Variants in GART observed in about 807,000 individuals in gnomAD.
GART encodes the protein trifunctional purine biosynthetic protein adenosine-3.
Under a neutral mutation model 107.2 loss-of-function variants are expected in GART, and 43 were observed. The ratio of observed to expected loss-of-function variants is 0.40; its 90% CI spans 0.31 to 0.52. The LOEUF (loss-of-function observed/expected upper bound fraction) is 0.52. GART is among the 20% of genes least tolerant of loss of function. The pLI is 0.52. For synonymous variants in GART, 434 were observed against 427.0 expected, an observed-to-expected ratio of 1.02 and a Z score of -0.20; for missense variants, 1,107 against 1,206.5, an observed-to-expected ratio of 0.92 and a Z score of 1.22.
intron 14 of GART, among the ~76,000 whole-genome samples, chr21:33,517,977 T>C (rs1438274600): frequency 6.6e-6 from 1 of 152,246 alleles, no homozygotes; most frequent in Non-Finnish European, 1.5e-5. Flanking sequence ...CAGGTGATGA[T>C]ACAGCCTTAA....
intron 11 of GART, chr21:33,524,413 T>TAGATCTC: frequency 1.7e-6 from 1 of 580,564 alleles, no homozygotes; most frequent in Non-Finnish European, 2.2e-6. Flanking sequence ...TAGCCAGGTG[T>TAGATCTC]GGTGGCCTGT....
intron 1 of GART, among the ~76,000 whole-genome samples, chr21:33,541,489 TAGCAGTAGTGTGGG>T (rs1219690117): frequency 6.6e-6 from 1 of 152,234 alleles, no homozygotes; most frequent in Non-Finnish European, 1.5e-5. Context: ...AGTTTGAATA[TAGCAGTAGTGTGGG>T]AAAATTCTGT....
At chr21:33,535,121 G>C (rs1036007240) in intron 3 of GART, 104 bp downstream of exon 3, 6 of 756,290 alleles carry the variant, frequency 7.9e-6, no homozygotes, top group Non-Finnish European at 1.2e-5. Context: ...CTTTTTCCAA[G>C]ATAATATTAC....
intron 16 of GART, among the ~76,000 whole-genome samples, chr21:33,516,633 T>G (rs2154583): frequency 0.46 from 70,036 of 152,048 alleles, 16,567 homozygotes; most frequent in East Asian, 0.58. Flanking sequence ...TCTCTATGCC[T>G]TGGTTTAGGT....
chr21:33,526,382 C>T (rs1194956633), intron 10 of GART, among the ~76,000 whole-genome samples: 1 of 152,122 alleles, frequency 6.6e-6, no homozygotes, highest in East Asian at 1.9e-4. Flanking sequence ...CCATGTTGGC[C>T]AGGCTGGTCT....
At position 33,520,407 on chromosome 21, in the gene GART, A is replaced by G; in HGVS notation, c.1659T>C (p.Ala553=). The change falls in exon 14 of 22, where the codon GCT becomes GCC. Residue 553 remains alanine, a synonymous_variant. Transcript: ENST00000381815. ...CTTTTCCACAAGCTTTAGCAATTCC[A>G]GCAACAACAGCTTCAGTTACACTGA... ...LDLSVTEAVV[A]GIAKACGKAG... 1.2e-6 allele frequency: 2 copies of G among 1,614,172 alleles called. No individual in the cohort carries two copies. Among genetic ancestry groups the G allele is most frequent in the Non-Finnish European group, 1.7e-6 (2 of 1,180,000 alleles).
chr21:33,528,421 C>T (rs2085115441), intron 9 of GART, 86 bp from the exon 10 acceptor site: 4 of 1,550,640 alleles, frequency 2.6e-6, no homozygotes, highest in Non-Finnish European at 3.5e-6. Flanking sequence ...GCAGAACTTG[C>T]ATGAATTTCC....
intron 12 of GART, 41 bp from the exon 13 acceptor site, chr21:33,521,056 A>T: frequency 6.8e-7 from 1 of 1,463,464 alleles, no homozygotes; most frequent in Non-Finnish European, 9.5e-7. Flanking sequence ...ATTTTAATAG[A>T]TTAAACATGT....
chr21:33,505,584 C>A lies in GART; in HGVS notation c.2702G>T (p.Gly901Val), dbSNP rs754067215. The change falls in exon 20 of 22, where the codon GGC becomes GTC. Residue 901 changes from glycine (G) to valine (V), a missense_variant. Coordinates refer to ENST00000381815, the MANE Select transcript of GART (RefSeq NM_000819.5). ...ACCATTCCACTTTTGGACAAAGGGG[C>A]CAGAAAGAATTCTCATGAATCCTGC... Reference protein sequence around the residue: ...CLAGFMRILSGPFVQKWNGKM... With the variant: ...CLAGFMRILSVPFVQKWNGKM... The A allele has an allele frequency of 2.5e-6, 4 of 1,596,772 alleles. No homozygotes were observed. Among genetic ancestry groups the A allele is most frequent in the Non-Finnish European group, 3.4e-6 (4 of 1,174,454 alleles).
At chr21:33,535,401 A>C in intron 2 of GART, 81 bp from the exon 3 acceptor site, 1 of 852,494 alleles carries the variant, frequency 1.2e-6, no homozygotes, top group Non-Finnish European at 1.8e-6. Flanking sequence ...CTCACTAAAA[A>C]AACTAAGTTC....
At chr21:33,525,859 A>C (rs1401048980) in intron 10 of GART, among the ~76,000 whole-genome samples, 1 of 151,274 alleles carries the variant, frequency 6.6e-6, no homozygotes, top group Non-Finnish European at 1.5e-5. Context: ...CTTAAGAGTA[A>C]GGGAACTTCC....
intron 1 of GART, among the ~76,000 whole-genome samples, chr21:33,541,076 C>T (rs920359119): frequency 6.6e-6 from 1 of 151,854 alleles, no homozygotes; most frequent in South Asian, 2.1e-4. Context: ...GAAGGAACAG[C>T]TACTTTAGTG....
Position 33,511,298 on chromosome 21 carries a change from G to A in GART, c.2268C>T (p.His756=), listed in dbSNP as rs1464557032. ...TGCCAATCACCCAGGCTTCTTCCTT[G>A]TGCTGCTGGATATCCCTCAGAATCT... ...TEQILRDIQQ[H]KEEAWVIGSV... is the part of the protein sequence containing the mutation. Residue 756 remains histidine, a synonymous_variant, in exon 17 of 22, where the codon CAC becomes CAT. Transcript: ENST00000381815. 12 of 1,614,142 alleles carry A rather than the reference G, an allele frequency of 7.4e-6. No homozygotes were observed. The highest frequency in any genetic ancestry group is 8.5e-6 in the Non-Finnish European group (10 of 1,180,034).
intron 2 of GART, 30 bp from the exon 3 acceptor site, chr21:33,535,350 A>C (rs1601227796): frequency 8.6e-7 from 1 of 1,168,574 alleles, no homozygotes; most frequent in Non-Finnish European, 1.2e-6. Flanking sequence ...AAAAAAAACC[A>C]CTGCATTTAC....
At chr21:33,532,254 T>C (rs2085206305) in intron 5 of GART, 91 bp downstream of exon 5, 3 of 860,546 alleles carry the variant, frequency 3.5e-6, no homozygotes, top group Non-Finnish European at 5.7e-6. Flanking sequence ...CAAAATAGAT[T>C]TTCCTTATTG....
intron 11 of GART, chr21:33,524,562 CT>C: frequency 7.9e-7 from 1 of 1,258,842 alleles, no homozygotes; most frequent in African/African-American, 1.6e-5. Flanking sequence ...TTTTGCTAAA[CT>C]TTCCAAACTT....
chr21:33,535,358 T>C, intron 2 of GART, 38 bp from the exon 3 acceptor site: 1 of 1,242,250 alleles, frequency 8.0e-7, no homozygotes, highest in Non-Finnish European at 1.1e-6. Context: ...CCACTGCATT[T>C]ACAAAAACAT....
At chr21:33,506,775 T>C (rs1395213699) in intron 18 of GART, among the ~76,000 whole-genome samples, 1 of 152,184 alleles carries the variant, frequency 6.6e-6, no homozygotes, top group Non-Finnish European at 1.5e-5. Flanking sequence ...TAGACATTTC[T>C]TAAAAGAAAA....
intron 3 of GART, 53 bp from the exon 4 acceptor site, chr21:33,534,806 T>C: frequency 6.8e-7 from 1 of 1,477,774 alleles, no homozygotes; most frequent in Non-Finnish European, 9.0e-7. Context: ...CAGGGGCTTT[T>C]CAGCCTGAAG....
Sources: allele counts gnomAD v4.1 joint callset (sites outside exome capture counted in the v4.1 genomes callset), GRCh38; gene constraint gnomAD v4.1.1; transcripts MANE v1.5; gene names NCBI Gene and HGNC (gene_info 2026-07-23, HGNC 2026-07-21).